The following CFAP47 variants were observed in gnomAD, a reference collection of about 807,000 sequenced individuals.
The protein encoded by CFAP47 is cilia and flagella associated protein 47.
CFAP47 carries 29 observed loss-of-function variants against 148.1 expected under a neutral mutation model. The ratio of observed to expected loss-of-function variants is 0.20; its 90% CI spans 0.15 to 0.27. The LOEUF is 0.27. Among genes scored for constraint, CFAP47 ranks in the 10% least tolerant of loss-of-function variants. CFAP47 has a pLI of 1.00. For synonymous variants in CFAP47, 664 were observed against 577.3 expected, an observed-to-expected ratio of 1.15 and a Z score of -2.15; for missense variants, 1,872 against 1,697.5, an observed-to-expected ratio of 1.10 and a Z score of -1.81.
chrX:35,927,523 C>T (rs987494441), intron 2 of CFAP47, among the ~76,000 whole-genome samples: 3 of 110,546 alleles, frequency 2.7e-5, no homozygotes, highest in Admixed American at 1.9e-4. Flanking sequence ...CATCAGAAGC[C>T]TGTTTCTCAC....
intron 29 of CFAP47, among the ~76,000 whole-genome samples, chrX:36,083,246 A>AGTATACATATATGCATGTATACATGCAT (rs1256211627): frequency 1.8e-5 from 2 of 110,776 alleles, no homozygotes; most frequent in South Asian, 3.7e-4. Context: ...ATATAGATGT[A>AGTATACATATATGCATGTATACATGCAT]GTATACATAT....
At chrX:36,379,282 C>A in intron 62 of CFAP47, 68 bp from the exon 63 acceptor site, 1 of 973,427 alleles carries the variant, frequency 1.0e-6, no homozygotes. Flanking sequence ...TTCTACTCAT[C>A]AAGTTCTCAC....
chrX:36,356,227 G>A (rs1556018443), intron 60 of CFAP47, among the ~76,000 whole-genome samples: 1 of 111,091 alleles, frequency 9.0e-6, no homozygotes, highest in Non-Finnish European at 1.9e-5. Flanking sequence ...TGTCGGGAAG[G>A]TTTGCAGTCT....
intron 62 of CFAP47, 117 bp from the exon 63 acceptor site, chrX:36,379,233 G>A: frequency 1.6e-6 from 1 of 614,399 alleles, no homozygotes; most frequent in Non-Finnish European, 2.6e-6. Flanking sequence ...TAAGCATTCA[G>A]CATTAATGTT....
chrX:36,269,127 A>T (rs1208256644), intron 49 of CFAP47, among the ~76,000 whole-genome samples: 7 of 112,104 alleles, frequency 6.2e-5, no homozygotes, highest in Non-Finnish European at 1.1e-4. Flanking sequence ...TTGCATGGAT[A>T]AGGAGCGAAA....
At chrX:36,275,052 T>C (rs1290550675) in intron 49 of CFAP47, among the ~76,000 whole-genome samples, 1 of 111,744 alleles carries the variant, frequency 8.9e-6, no homozygotes, top group African/African-American at 3.3e-5. Flanking sequence ...TAAAAGGGTG[T>C]TGAATTCTGT....
intron 26 of CFAP47, among the ~76,000 whole-genome samples, chrX:36,059,085 T>C (rs1937575000): frequency 8.9e-6 from 1 of 112,321 alleles, no homozygotes; most frequent in African/African-American, 3.2e-5. Flanking sequence ...GTTAATGTCC[T>C]TCAACTTTTA....
At chrX:35,925,921 C>T (rs1285276868) in intron 1 of CFAP47, 96 bp from the exon 2 acceptor site, 27 of 710,459 alleles carry the variant, frequency 3.8e-5, no homozygotes, top group Non-Finnish European at 4.9e-5. Context: ...TCCCAAAGTG[C>T]TGGGATTACA....
At chrX:36,364,232 C>G (rs375660280) in intron 61 of CFAP47, among the ~76,000 whole-genome samples, 27 of 110,686 alleles carry the variant, frequency 2.4e-4, no homozygotes, top group African/African-American at 7.2e-4. Context: ...CATTTTGACT[C>G]AGCAACTTCT....
At chrX:36,111,241 A>G (rs1318040614) in intron 33 of CFAP47, among the ~76,000 whole-genome samples, 1 of 111,337 alleles carries the variant, frequency 9.0e-6, no homozygotes, top group Non-Finnish European at 1.9e-5. Context: ...TGTGGGTTTA[A>G]TATAGAGAGC....
intron 15 of CFAP47, among the ~76,000 whole-genome samples, chrX:35,977,113 ATGT>A (rs1037078768): frequency 3.6e-5 from 4 of 111,978 alleles, no homozygotes; most frequent in African/African-American, 1.3e-4. Context: ...TTTTATGTAC[ATGT>A]TGTGCCTTTC....
intron 25 of CFAP47, among the ~76,000 whole-genome samples, chrX:36,041,395 A>G (rs1274676975): frequency 8.9e-6 from 1 of 112,027 alleles, no homozygotes; most frequent in African/African-American, 3.2e-5. Context: ...GTAGAAGTAT[A>G]TAATTTACTA....
intron 23 of CFAP47, among the ~76,000 whole-genome samples, chrX:36,031,857 A>T (rs1280563947): frequency 9.0e-6 from 1 of 110,622 alleles, no homozygotes; most frequent in African/African-American, 3.3e-5. Context: ...AGCTCAGCAC[A>T]CATTATAGAA....
At chrX:36,383,370 G>A (rs781998884) in intron 63 of CFAP47, among the ~76,000 whole-genome samples, 2 of 111,592 alleles carry the variant, frequency 1.8e-5, no homozygotes, top group Non-Finnish European at 3.8e-5. Context: ...AATGCTGGCC[G>A]TGGGCACAGG....
intron 39 of CFAP47, among the ~76,000 whole-genome samples, chrX:36,163,090 G>C (rs903244324): frequency 1.8e-5 from 2 of 111,914 alleles, no homozygotes; most frequent in Non-Finnish European, 3.8e-5. Flanking sequence ...TTATGAGCCT[G>C]TTCAGATTTT....
intron 21 of CFAP47, among the ~76,000 whole-genome samples, chrX:36,007,574 G>C (rs1936995219): frequency 8.9e-6 from 1 of 112,081 alleles, no homozygotes; most frequent in Non-Finnish European, 1.9e-5. Context: ...GTGTCATTTA[G>C]TTTCTGTGTA....
chrX:36,326,331 A>AC (rs1556013022), intron 57 of CFAP47, among the ~76,000 whole-genome samples: 12 of 110,893 alleles, frequency 1.1e-4, no homozygotes, highest in African/African-American at 3.9e-4. Flanking sequence ...ACACACACAC[A>AC]AACGTGCTAG....
At chrX:35,940,942 T>G (rs913031433) in intron 2 of CFAP47, among the ~76,000 whole-genome samples, 4 of 111,710 alleles carry the variant, frequency 3.6e-5, no homozygotes, top group Admixed American at 9.5e-5. Context: ...TTACATCTTG[T>G]ACTTACATCT....
chrX:36,041,945 A>G lies in CFAP47; in HGVS notation c.4007+2766A>G, dbSNP rs1455163287. Reference sequence around the variant, plus strand: ...CATCTCAAAAAAAAAAAAAAAAAAAAGAATCAAACAACGTGTATGTAAGAT... The same window carrying G: ...CATCTCAAAAAAAAAAAAAAAAAAAGGAATCAAACAACGTGTATGTAAGAT... On this transcript the variant is annotated intron_variant, in intron 25 of 63. Transcript: ENST00000378653. Among the ~76,000 whole-genome samples the G allele has an allele frequency of 4.6e-5, 5 of 107,693 alleles. No individual in the cohort carries two copies. In the East Asian group the frequency reaches 1.4e-3, roughly 31 times the overall value. The allele number at this position is 107,693 out of a possible 115,157, so 93.5% of individuals were successfully genotyped here. A position where few individuals can be genotyped will look rare whatever the true frequency, so the allele number is the denominator to read the frequency against.
Sources: gnomAD v4.1 joint callset for allele counts (sites outside exome capture counted in the v4.1 genomes callset) on GRCh38, gnomAD v4.1.1 for gene constraint, MANE v1.5 for transcripts, NCBI Gene and HGNC (gene_info 2026-07-23, HGNC 2026-07-21) for gene names.